Variants in IFI44L observed in about 807,000 individuals in gnomAD.
IFI44L encodes the protein interferon induced protein 44 like, also known as interferon-induced protein 44-like.
In IFI44L, 40 loss-of-function variants were observed where a neutral mutation model predicts 39.3. The observed-to-expected ratio is 1.02, with a 90% CI of 0.79 to 1.33. The LOEUF is 1.33. Ranked by LOEUF, IFI44L falls within the 40% of genes most tolerant of loss-of-function variation. The pLI is 0.00. For synonymous variants in IFI44L, 198 were observed against 182.3 expected (o/e 1.09, Z -0.69); for missense variants, 623 against 549.0 (o/e 1.13, Z -1.35).
chr1:78,634,085 T>A (rs960578992), intron 4 of IFI44L, among the ~76,000 whole-genome samples: 1 of 151,820 alleles, frequency 6.6e-6, no homozygotes, highest in Non-Finnish European at 1.5e-5. Context: ...TGGGACATCA[T>A]CAAAAGGACA....
At chr1:78,628,440 C>T (rs757068752) in intron 2 of IFI44L, 47 bp downstream of exon 2, 1 of 1,101,870 alleles carries the variant, frequency 9.1e-7, no homozygotes, top group Non-Finnish European at 1.3e-6. Context: ...GATTCTAATC[C>T]TTGTGTTCGG....
At position 78,641,791 on chromosome 1, in the gene IFI44L, G is replaced by A. The variant is rs200301854; in HGVS notation, c.1341G>A (p.Ala447=). 5.9e-5 allele frequency: 96 copies of A among 1,613,620 alleles called. 1 individual carries two copies. The Middle Eastern group carries it at 2.8e-3, about 47-fold the overall frequency. The change falls in exon 9 of 9, where the codon GCG becomes GCA. Residue 447 remains alanine (A), a synonymous_variant. Coordinates refer to ENST00000370751, the MANE Select transcript of IFI44L (RefSeq NM_006820.4). ...CATTTTCAGGTGCAATTGAGAGAGC[G>A]TTACAGCCCTGCATTTGAGATAAGT... The part of the protein sequence containing the change: ...PLEETGAIER[A]LQPCI
Position 78,628,236 on chromosome 1 carries a change from T to C in IFI44L, c.321T>C (p.Ile107=). Residue 107 remains isoleucine, a synonymous_variant, in exon 2 of 9, where the codon ATT becomes ATC. Coordinates refer to ENST00000370751, the MANE Select transcript of IFI44L (RefSeq NM_006820.4). ...ETLLLNTAPK[I]IDEQLVCRLS... ...TACTCTTAAATACAGCACCAAAAAT[T>C]ATTGATGAGCAACTGGTGTGTCGTT... The C allele has an allele frequency of 1.2e-6, 2 of 1,612,426 alleles. No homozygotes were observed. The highest frequency in any genetic ancestry group is 1.7e-6 in the Non-Finnish European group (2 of 1,179,208).
rs371932182 is a variant in IFI44L at position 78,621,025 on chromosome 1, T to G, written c.-11+454T>G. ...CTAGCTGTGTGTGAAGAAAAAAGCTTGCTTTCTTTTTTTCTAAAAAGGAGT... is the reference window on the plus strand; with the variant it reads ...CTAGCTGTGTGTGAAGAAAAAAGCTGGCTTTCTTTTTTTCTAAAAAGGAGT... On this transcript the variant is annotated intron_variant, in intron 1 of 8. Coordinates refer to ENST00000370751, the MANE Select transcript of IFI44L (RefSeq NM_006820.4). 21 of 152,202 alleles carry G rather than the reference T, an allele frequency of 1.4e-4. No individual in the cohort carries two copies. In the East Asian group the frequency reaches 1.5e-3, roughly 11 times the overall value. The allele number at this position is 152,202 out of a possible 1,614,324, so 9.4% of individuals were successfully genotyped here.
Position 78,642,618 on chromosome 1 carries a change from C to T in IFI44L, c.*809C>T, listed in dbSNP as rs373347619. On this transcript the variant is annotated 3_prime_UTR_variant, in exon 9 of 9. Transcript: ENST00000370751. ...AACAAACGAAAAACAGAAAGGAAGA[C>T]TGAAAGAGAATGAAAAGCTGGGGAG... 5.3e-5 allele frequency: 8 copies of T among 151,404 alleles called. 1 individual carries two copies. The highest frequency in any genetic ancestry group is 4.8e-5 in the African/African-American group (2 of 41,310). 9.4% of individuals were successfully genotyped at this position (151,404 alleles called of 1,614,324 possible).
In IFI44L at chr1:78,635,636, A is replaced by G. The variant is rs1652921810; in HGVS notation, c.876+147A>G. Reference sequence around the variant, plus strand: ...TTCTACTTTGAATGAATAAGAATTCATATGAAAAAGTAGAGTGACTATTGT... The same window carrying G: ...TTCTACTTTGAATGAATAAGAATTCGTATGAAAAAGTAGAGTGACTATTGT... On this transcript the variant is annotated intron_variant, in intron 5 of 8. Transcript: ENST00000370751. 5 of 686,498 alleles carry G rather than the reference A, an allele frequency of 7.3e-6. No individual in the cohort carries two copies. In the Admixed American group the frequency reaches 9.4e-5, roughly 13 times the overall value. The allele number at this position is 686,498 out of a possible 1,614,324, so 42.5% of individuals were successfully genotyped here.
chr1:78,640,910 A>T, intron 6 of IFI44L, 111 bp from the exon 7 acceptor site: 1 of 684,972 alleles, frequency 1.5e-6, no homozygotes, highest in Non-Finnish European at 2.5e-6. Flanking sequence ...GGGATATTTC[A>T]TTCTTCAGCT....
intron 6 of IFI44L, among the ~76,000 whole-genome samples, chr1:78,638,442 A>G (rs1195282250): frequency 7.9e-5 from 12 of 152,038 alleles, no homozygotes; most frequent in Admixed American, 5.2e-4. Context: ...TCCTTTTGGA[A>G]CTCTGGGACA....
At chr1:78,640,896 A>G (rs1646975563) in intron 6 of IFI44L, 125 bp from the exon 7 acceptor site, 1 of 632,750 alleles carries the variant, frequency 1.6e-6, no homozygotes, top group Non-Finnish European at 2.8e-6. Context: ...ATTGAGATGT[A>G]TTGGGGATAT....
In IFI44L at chr1:78,645,593, C is replaced by T. The variant is rs1259031658; in HGVS notation, c.*3784C>T. 1.3e-5 allele frequency: 2 copies of T among 152,158 alleles called. No homozygotes were observed. The highest frequency in any genetic ancestry group is 1.9e-4 in the East Asian group (1 of 5,198). 9.4% of individuals were successfully genotyped at this position (152,158 alleles called of 1,614,324 possible). ...TCATCTCCTAGCAACATAACTCAAT[C>T]TAATGCTAAGGTACCCACAAGATGG... On this transcript the variant is annotated 3_prime_UTR_variant, in exon 9 of 9. Coordinates refer to ENST00000370751, the MANE Select transcript of IFI44L (RefSeq NM_006820.4).
chr1:78,641,926 C>A lies in IFI44L; in HGVS notation c.*117C>A. On this transcript the variant is annotated 3_prime_UTR_variant, in exon 9 of 9. Transcript: ENST00000370751. ...GCTTTTGTTCGTTTTGCCTTCTGTC[C>A]TTGGAACAGTCATATCTCAAGTTCA... 8.7e-7 allele frequency: 1 copy of A among 1,150,832 alleles called. No individual in the cohort carries two copies. The highest frequency in any genetic ancestry group is 1.3e-6 in the Non-Finnish European group (1 of 759,158). 71.3% of individuals were successfully genotyped at this position (1,150,832 alleles called of 1,614,324 possible). A position where few individuals can be genotyped will look rare whatever the true frequency, so the allele number is the denominator to read the frequency against.
At chr1:78,631,221 G>C (rs527440385) in intron 4 of IFI44L, among the ~76,000 whole-genome samples, 1 of 152,256 alleles carries the variant, frequency 6.6e-6, no homozygotes, top group African/African-American at 2.4e-5. Context: ...TCTTTCCTTT[G>C]AATAATTGAA....
Position 78,641,846 on chromosome 1 carries a change from G to C in IFI44L, c.*37G>C. 3 of 1,602,502 alleles carry C rather than the reference G, an allele frequency of 1.9e-6. No homozygotes were observed. Among genetic ancestry groups the C allele is most frequent in the Non-Finnish European group, 2.6e-6 (3 of 1,169,564 alleles). On this transcript the variant is annotated 3_prime_UTR_variant, in exon 9 of 9. Coordinates refer to ENST00000370751, the MANE Select transcript of IFI44L (RefSeq NM_006820.4). ...TTGATTCTGACATTTGGCCCAGCCT[G>C]TACTGGTGTGCCGCAATGAGAGTCA...
chr1:78,628,853 T>C, intron 2 of IFI44L, 98 bp from the exon 3 acceptor site: 2 of 799,558 alleles, frequency 2.5e-6, no homozygotes, highest in South Asian at 3.0e-5. Flanking sequence ...AGCCCTGGGT[T>C]ATGCAAGAAA....
chr1:78,623,537 AAAATT>A (rs1427850066), intron 1 of IFI44L, among the ~76,000 whole-genome samples: 1 of 151,966 alleles, frequency 6.6e-6, no homozygotes, highest in Admixed American at 6.5e-5. Context: ...TAAAAAAAAT[AAAATT>A]AAAAAAAAAC....
chr1:78,637,006 A>C (rs1381480693), intron 5 of IFI44L, 26 bp from the exon 6 acceptor site: 1 of 1,569,936 alleles, frequency 6.4e-7, no homozygotes, highest in Non-Finnish European at 8.7e-7. Flanking sequence ...CTGATTTCTG[A>C]ATGTTACCTT....
chr1:78,641,455 G>T lies in IFI44L; in HGVS notation c.1170G>T (p.Met390Ile), dbSNP rs35466823. 0.012 allele frequency: 19,659 copies of T among 1,613,280 alleles called. 167 individuals are homozygous for T. Among genetic ancestry groups the T allele is most frequent in the Non-Finnish European group, 0.014 (16,191 of 1,179,440 alleles). Residue 390 changes from methionine to isoleucine, a missense_variant, in exon 8 of 9, where the codon ATG becomes ATT. Physicochemically the swap from Met to Ile is conservative, Grantham distance 10. Transcript: ENST00000370751. ...CACAGGTCATGAATGTCCATAAAAT[G>T]CTAGGCATTCCTATTTCCAATATTT... The part of the protein sequence containing the change: ...SQSRVMNVHK[M>I]LGIPISNILM...
At chr1:78,633,487 G>A (rs576478975) in intron 4 of IFI44L, among the ~76,000 whole-genome samples, 97 of 152,272 alleles carry the variant, frequency 6.4e-4, no homozygotes, top group African/African-American at 2.2e-3. Flanking sequence ...TGAGCTTTAC[G>A]CATGCCTCAG....
rs143352734 is a variant in IFI44L, at chr1:78,628,013, A to G, written c.98A>G (p.His33Arg). ...AGTCTTCTCTATAAGTCTAGTGTTCATGGAGGTAGCATTGAAGATATGGTT... is the reference window on the plus strand; with the variant it reads ...AGTCTTCTCTATAAGTCTAGTGTTCGTGGAGGTAGCATTGAAGATATGGTT... ...SLSLLYKSSV[H>R]GGSIEDMVER... Residue 33 changes from histidine to arginine, a missense_variant, in exon 2 of 9, where the codon CAT (histidine) becomes CGT (arginine). By Grantham distance (29) the His-to-Arg change is conservative. Coordinates refer to ENST00000370751, the MANE Select transcript of IFI44L (RefSeq NM_006820.4). 5 of 1,613,130 alleles carry G rather than the reference A, an allele frequency of 3.1e-6. No individual in the cohort carries two copies. Among genetic ancestry groups the G allele is most frequent in the East Asian group, 2.2e-5 (1 of 44,804 alleles).
Sources: gnomAD v4.1 joint callset for allele counts (sites outside exome capture counted in the v4.1 genomes callset) on GRCh38, gnomAD v4.1.1 for gene constraint, MANE v1.5 for transcripts, NCBI Gene and HGNC (gene_info 2026-07-23, HGNC 2026-07-21) for gene names.